Variants in LRRC1 observed in about 807,000 individuals in gnomAD.
LRRC1 encodes leucine rich repeat containing 1, also known as leucine-rich repeat-containing protein 1.
Under a neutral mutation model 69.9 loss-of-function variants are expected in LRRC1, and 28 were observed. The observed-to-expected ratio is 0.40, with a 90% CI of 0.30 to 0.55. LRRC1 has a LOEUF of 0.55. LRRC1 is among the 20% of genes least tolerant of loss of function. The pLI, the probability that LRRC1 is intolerant of heterozygous loss-of-function variation, is 0.47. For synonymous variants in LRRC1, 236 were observed against 240.2 expected (o/e 0.98, Z 0.16); for missense variants, 498 against 609.0 (o/e 0.82, Z 1.92).
intron 10 of LRRC1, among the ~76,000 whole-genome samples, chr6:53,907,879 T>C (rs1358795585): frequency 1.3e-5 from 2 of 152,210 alleles, no homozygotes; most frequent in Non-Finnish European, 1.5e-5. Flanking sequence ...AAAGGCATCA[T>C]TTGGCAGCTC....
chr6:53,825,053 A>T (rs1290946655), intron 1 of LRRC1, among the ~76,000 whole-genome samples: 1 of 152,172 alleles, frequency 6.6e-6, no homozygotes, highest in Non-Finnish European at 1.5e-5. Flanking sequence ...GTTCCCTGCA[A>T]ATCTTCTCTT....
At chr6:53,898,870 G>A (rs918490355) in intron 7 of LRRC1, among the ~76,000 whole-genome samples, 4 of 152,226 alleles carry the variant, frequency 2.6e-5, no homozygotes, top group Non-Finnish European at 5.9e-5. Context: ...TTGTACTCAT[G>A]TAGACATCAG....
At chr6:53,903,576 C>T (rs1486362237) in intron 9 of LRRC1, among the ~76,000 whole-genome samples, 4 of 98,134 alleles carry the variant, frequency 4.1e-5, no homozygotes, top group African/African-American at 9.6e-5. Context: ...TTTTCCTTTT[C>T]GCTTTTCCTT....
intron 1 of LRRC1, among the ~76,000 whole-genome samples, chr6:53,806,534 C>T (rs1395203436): frequency 6.6e-6 from 1 of 152,164 alleles, no homozygotes; most frequent in Non-Finnish European, 1.5e-5. Flanking sequence ...GGGCGGATCA[C>T]ATACTCTCTT....
intron 1 of LRRC1, among the ~76,000 whole-genome samples, chr6:53,830,124 C>T (rs1375324128): frequency 2.0e-5 from 3 of 152,174 alleles, no homozygotes; most frequent in Non-Finnish European, 2.9e-5. Flanking sequence ...GGGTGGCCTG[C>T]GGGCCACTAC....
intron 2 of LRRC1, among the ~76,000 whole-genome samples, chr6:53,873,639 G>C (rs950990977): frequency 2.0e-5 from 3 of 152,038 alleles, no homozygotes; most frequent in African/African-American, 7.2e-5. Context: ...TTTGTATCCT[G>C]TAAGTTTATT....
chr6:53,820,534 G>A (rs1765087154), intron 1 of LRRC1, among the ~76,000 whole-genome samples: 1 of 150,866 alleles, frequency 6.6e-6, no homozygotes. Flanking sequence ...CAGGTCATGA[G>A]CCCACTAATT....
chr6:53,809,624 T>A (rs543837716), intron 1 of LRRC1, among the ~76,000 whole-genome samples: 2 of 152,362 alleles, frequency 1.3e-5, no homozygotes, highest in South Asian at 4.1e-4. Context: ...ATTTAGTTTT[T>A]AAAAAGTTTA....
Position 53,900,163 on chromosome 6 carries a change from G to A in LRRC1, c.787+272G>A, listed in dbSNP as rs545692265. Among the ~76,000 whole-genome samples, 15 of 149,700 alleles carry A rather than the reference G, an allele frequency of 1.0e-4. No individual in the cohort carries two copies. The South Asian group carries it at 2.8e-3, about 28-fold the overall frequency. On this transcript the variant is annotated intron_variant, in intron 8 of 13. Transcript: ENST00000370888. ...CACCATTCTCCTGCCTCAGCCTCCC[G>A]AATAGCTGGGACCACAGGCGCCCGC...
intron 8 of LRRC1, among the ~76,000 whole-genome samples, chr6:53,900,655 C>CT (rs1768030509): frequency 6.6e-6 from 1 of 151,988 alleles, no homozygotes; most frequent in South Asian, 2.1e-4. Flanking sequence ...TGAATTGAGC[C>CT]TTTTTTAGTA....
chr6:53,873,906 A>C (rs982251034), intron 2 of LRRC1, among the ~76,000 whole-genome samples: 2 of 152,136 alleles, frequency 1.3e-5, no homozygotes, highest in African/African-American at 4.8e-5. Flanking sequence ...TATTGTGCTG[A>C]GATAATGAGG....
intron 2 of LRRC1, among the ~76,000 whole-genome samples, chr6:53,851,440 A>G (rs1766133204): frequency 6.6e-6 from 1 of 150,486 alleles, no homozygotes; most frequent in Non-Finnish European, 1.5e-5. Flanking sequence ...GTTCTAGCTC[A>G]AACAGGCAAG....
intron 2 of LRRC1, among the ~76,000 whole-genome samples, chr6:53,850,860 A>G (rs1460532220): frequency 2.6e-5 from 4 of 152,150 alleles, no homozygotes; most frequent in African/African-American, 4.8e-5. Context: ...TTATTCAACT[A>G]GTGGCCACAA....
chr6:53,830,480 A>G (rs544852622), intron 1 of LRRC1, among the ~76,000 whole-genome samples: 2 of 152,312 alleles, frequency 1.3e-5, no homozygotes, highest in Admixed American at 6.5e-5. Flanking sequence ...TTAGAATTTA[A>G]TATTTAAGTT....
chr6:53,897,237 C>A, intron 6 of LRRC1, 48 bp from the exon 7 acceptor site: 2 of 1,273,284 alleles, frequency 1.6e-6, no homozygotes, highest in Non-Finnish European at 2.3e-6. Context: ...TCAGGGAAGA[C>A]TGAAAATTGA....
intron 2 of LRRC1, among the ~76,000 whole-genome samples, chr6:53,851,183 CA>C (rs1287879025): frequency 9.1e-5 from 11 of 120,686 alleles, no homozygotes; most frequent in African/African-American, 3.7e-4. Flanking sequence ...GACACACACA[CA>C]CACACACACA....
chr6:53,893,128 T>C (rs1180381522), intron 4 of LRRC1, among the ~76,000 whole-genome samples: 2 of 152,140 alleles, frequency 1.3e-5, no homozygotes, highest in Non-Finnish European at 2.9e-5. Flanking sequence ...GCACACACAT[T>C]TGTAAGGTAC....
intron 2 of LRRC1, among the ~76,000 whole-genome samples, chr6:53,869,234 G>A (rs1429646163): frequency 6.6e-6 from 1 of 151,980 alleles, no homozygotes; most frequent in Non-Finnish European, 1.5e-5. Flanking sequence ...AGAAAAAGAT[G>A]GACAGGAAAA....
chr6:53,853,353 C>T (rs1004598664), intron 2 of LRRC1, among the ~76,000 whole-genome samples: 27 of 146,466 alleles, frequency 1.8e-4, no homozygotes, highest in Admixed American at 1.6e-3. Context: ...GGTGTGATCT[C>T]GGCTCACTGC....
Sources: gnomAD v4.1 joint callset for allele counts (sites outside exome capture counted in the v4.1 genomes callset) on GRCh38, gnomAD v4.1.1 for gene constraint, MANE v1.5 for transcripts, NCBI Gene and HGNC (gene_info 2026-07-23, HGNC 2026-07-21) for gene names.